The following DENND2A variants were observed in gnomAD, a reference collection of about 807,000 sequenced individuals.
DENND2A encodes DENN domain-containing protein 2A.
A neutral mutation model predicts 105.3 loss-of-function variants in DENND2A; 53 were observed. The observed-to-expected ratio is 0.50, with a 90% confidence interval of 0.40 to 0.63. The LOEUF (loss-of-function observed/expected upper bound fraction) is 0.63, where lower values mean the gene tolerates loss of function less well. Among genes scored for constraint, DENND2A ranks in the 30% least tolerant of loss-of-function variants. The probability of loss-of-function intolerance (pLI) is 0.00; values close to 1 mark genes in which losing one functional copy is unlikely to be tolerated. For missense variants in DENND2A, 1,138 were observed against 1,279.6 expected, an observed-to-expected ratio of 0.89 and a Z score of 1.69; for synonymous variants, 522 against 508.4, an observed-to-expected ratio of 1.03 and a Z score of -0.36.
At chr7:140,593,196 G>A (rs1450940830) in intron 3 of DENND2A, among the ~76,000 whole-genome samples, 4 of 151,984 alleles carry the variant, frequency 2.6e-5, no homozygotes, top group East Asian at 3.9e-4. Flanking sequence ...TCCACATCCC[G>A]CCTGCAAGTT....
At chr7:140,633,136 C>T (rs936613090) in intron 1 of DENND2A, among the ~76,000 whole-genome samples, 3 of 151,852 alleles carry the variant, frequency 2.0e-5, no homozygotes, top group Non-Finnish European at 2.9e-5. Context: ...TCACACCATT[C>T]TCCTGTCTCA....
At position 140,613,969 on chromosome 7, in the gene DENND2A, C is replaced by T. The variant is rs558307240; in HGVS notation, c.-247-8163G>A. On this transcript the variant is annotated intron_variant, in intron 1 of 19. Coordinates refer to ENST00000496613, the MANE Select transcript of DENND2A (RefSeq NM_015689.5). ...CAATCAGAGCCTCATCAGAATGTGA[C>T]CACTTGCCTCATCACCTACCCTTCT... Among the ~76,000 whole-genome samples, 35 of 152,312 alleles carry T rather than the reference C, an allele frequency of 2.3e-4. 2 individuals are homozygous for T. The South Asian group carries it at 6.6e-3, about 29-fold the overall frequency.
At chr7:140,545,094 A>C (rs191896594) in intron 13 of DENND2A, among the ~76,000 whole-genome samples, 1 of 152,034 alleles carries the variant, frequency 6.6e-6, no homozygotes, top group Non-Finnish European at 1.5e-5. Flanking sequence ...TGGCAACAGC[A>C]TATCTGTACT....
intron 14 of DENND2A, among the ~76,000 whole-genome samples, chr7:140,540,009 C>T (rs10808050): frequency 0.43 from 65,732 of 152,126 alleles, 14,493 homozygotes; most frequent in Admixed American, 0.46. Flanking sequence ...GTCTTATGAA[C>T]GAGGAGACCC....
At chr7:140,525,846 G>A in intron 15 of DENND2A, 54 bp from the exon 16 acceptor site, 1 of 1,490,350 alleles carries the variant, frequency 6.7e-7, no homozygotes, top group South Asian at 1.2e-5. Context: ...CTGGGATAGG[G>A]ATGGACTCAT....
At chr7:140,610,860 CCTG>C (rs1343921826) in intron 1 of DENND2A, among the ~76,000 whole-genome samples, 2 of 152,152 alleles carry the variant, frequency 1.3e-5, no homozygotes, top group Admixed American at 1.3e-4. Flanking sequence ...CCTTTAGAAT[CCTG>C]CTGGGCCTGC....
In DENND2A at chr7:140,521,860, G is replaced by A. The variant is rs1334178787; in HGVS notation, c.2906C>T (p.Ala969Val). The change falls in exon 18 of 20, where the codon GCC becomes GTC. Residue 969 changes from alanine to valine, a missense_variant. Physicochemically the swap from Ala to Val is moderately conservative, Grantham distance 64. This residue lies in a region of DENND2A where 627 missense variants were observed against 779.8 expected (regional missense o/e 0.80). Transcript: ENST00000496613. The stretch of plus-strand genomic sequence containing the variant: ...ACAGAGAAGATGCCCCTCACCTTTG[G>A]CATCCTGCCGGCGCAGCTCCCGCTC... ...IQERELRRQD[A>V]KGLFEVRAQE... 8 of 1,613,814 alleles carry A rather than the reference G, an allele frequency of 5.0e-6. No individual in the cohort carries two copies. The highest frequency in any genetic ancestry group is 2.2e-5 in the South Asian group (2 of 91,084).
At chr7:140,616,238 G>A (rs1388247943) in intron 1 of DENND2A, among the ~76,000 whole-genome samples, 1 of 152,096 alleles carries the variant, frequency 6.6e-6, no homozygotes, top group Non-Finnish European at 1.5e-5. Context: ...GTGGTGGCGG[G>A]CGCCTGTAAC....
intron 14 of DENND2A, among the ~76,000 whole-genome samples, chr7:140,540,554 C>T (rs1342720755): frequency 1.3e-5 from 2 of 152,202 alleles, no homozygotes; most frequent in Non-Finnish European, 2.9e-5. Flanking sequence ...GGTCCACTCT[C>T]GGCCACTGGA....
intron 9 of DENND2A, among the ~76,000 whole-genome samples, chr7:140,566,135 G>A (rs1797826160): frequency 1.3e-5 from 2 of 152,108 alleles, no homozygotes; most frequent in Non-Finnish European, 2.9e-5. Context: ...GAGTTCAAGC[G>A]ATTCTACAGC....
At chr7:140,521,521 C>A (rs1795860441) in intron 18 of DENND2A, among the ~76,000 whole-genome samples, 1 of 152,186 alleles carries the variant, frequency 6.6e-6, no homozygotes, top group African/African-American at 2.4e-5. Flanking sequence ...AAGTGATCTG[C>A]ATGCCTTGGC....
In DENND2A at chr7:140,518,581, G is replaced by T; in HGVS notation, c.*126C>A. On this transcript the variant is annotated 3_prime_UTR_variant, in exon 20 of 20. Coordinates refer to ENST00000496613, the MANE Select transcript of DENND2A (RefSeq NM_015689.5). ...CCAGGGAAGAGCCCAGCCTCGGCCA[G>T]AAGCCACCGCGGCCTCCAGTTCCGC... is the stretch of plus-strand genomic sequence containing the variant. 1.0e-6 allele frequency: 1 copy of T among 983,198 alleles called. No homozygotes were observed. Among genetic ancestry groups the T allele is most frequent in the Non-Finnish European group, 1.5e-6 (1 of 661,838 alleles). 60.9% of individuals were successfully genotyped at this position (983,198 alleles called of 1,614,324 possible).
At chr7:140,590,503 C>A (rs1304225284) in intron 3 of DENND2A, among the ~76,000 whole-genome samples, 1 of 152,132 alleles carries the variant, frequency 6.6e-6, no homozygotes, top group Non-Finnish European at 1.5e-5. Flanking sequence ...TGTCAGACAC[C>A]TGGGATTTCA....
At chr7:140,529,491 C>T (rs964663895) in intron 14 of DENND2A, among the ~76,000 whole-genome samples, 6 of 152,140 alleles carry the variant, frequency 3.9e-5, no homozygotes, top group Non-Finnish European at 8.8e-5. Flanking sequence ...AAGGCCTGTG[C>T]CCACGTATGT....
intron 16 of DENND2A, among the ~76,000 whole-genome samples, chr7:140,524,817 A>T (rs866244790): frequency 2.4e-4 from 36 of 151,500 alleles, no homozygotes; most frequent in African/African-American, 5.1e-4. Context: ...CCTGGGCTCA[A>T]GTGATCCTCC....
At chr7:140,630,616 G>A (rs554382529) in intron 1 of DENND2A, among the ~76,000 whole-genome samples, 2 of 152,144 alleles carry the variant, frequency 1.3e-5, no homozygotes, top group South Asian at 2.1e-4. Flanking sequence ...AAGCCAAGGC[G>A]GGCGGATCAT....
intron 11 of DENND2A, among the ~76,000 whole-genome samples, chr7:140,557,769 A>G: frequency 6.7e-6 from 1 of 149,292 alleles, no homozygotes; most frequent in East Asian, 2.0e-4. Flanking sequence ...CGATCTCCTG[A>G]CCTCGTGATC....
chr7:140,586,297 T>TC lies in DENND2A; in HGVS notation c.1124-588dup, dbSNP rs1332567260. The stretch of plus-strand genomic sequence containing the variant: ...ACTTTGGGAGGCCGAAGGGGGTGGA[T>TC]CACTTGAGCCCAGGAGTTTGAGACT... On this transcript the variant is annotated intron_variant, in intron 4 of 19. Coordinates refer to ENST00000496613, the MANE Select transcript of DENND2A (RefSeq NM_015689.5). Among the ~76,000 whole-genome samples, 7 of 151,704 alleles carry TC rather than the reference T, an allele frequency of 4.6e-5. No homozygotes were observed. In the East Asian group the frequency reaches 1.4e-3, roughly 30 times the overall value.
intron 1 of DENND2A, among the ~76,000 whole-genome samples, chr7:140,639,181 G>A (rs181257569): frequency 1.7e-4 from 26 of 151,954 alleles, no homozygotes; most frequent in Non-Finnish European, 3.1e-4. Context: ...GTGAAACCCC[G>A]TCTCTACTAA....
Sources: gnomAD v4.1 joint callset for allele counts (sites outside exome capture counted in the v4.1 genomes callset) on GRCh38, gnomAD v4.1.1 for gene constraint, gnomAD v4.1.1 regional missense constraint, MANE v1.5 for transcripts, NCBI Gene and HGNC (gene_info 2026-07-23, HGNC 2026-07-21) for gene names.